The following WDR1 variants were observed in gnomAD, a reference collection of about 807,000 sequenced individuals.
WDR1 encodes the protein WD repeat-containing protein 1.
WDR1 carries 21 observed loss-of-function variants against 71.9 expected under a neutral mutation model. The observed-to-expected ratio is 0.29, with a 90% CI of 0.21 to 0.42. The LOEUF (loss-of-function observed/expected upper bound fraction) is 0.42, where lower values mean the gene tolerates loss of function less well. Among genes scored for constraint, WDR1 ranks in the 10% least tolerant of loss-of-function variants. WDR1 has a pLI of 1.00. For synonymous variants in WDR1, 424 were observed against 347.4 expected, an observed-to-expected ratio of 1.22 and a Z score of -2.45; for missense variants, 696 against 824.5, an observed-to-expected ratio of 0.84 and a Z score of 1.91.
intron 10 of WDR1, among the ~76,000 whole-genome samples, chr4:10,081,820 C>T (rs1430857855): frequency 6.6e-6 from 1 of 152,174 alleles, no homozygotes; most frequent in Non-Finnish European, 1.5e-5. Context: ...TTGAGCTCTG[C>T]TCCCCAAAAT....
At chr4:10,084,372 G>A in intron 9 of WDR1, 71 bp downstream of exon 9, 1 of 1,449,028 alleles carries the variant, frequency 6.9e-7, no homozygotes, top group Non-Finnish European at 9.5e-7. Flanking sequence ...CTGGCCTCTG[G>A]CATCATGGGA....
chr4:10,114,782 G>A (rs564784929), intron 2 of WDR1, among the ~76,000 whole-genome samples: 2 of 152,300 alleles, frequency 1.3e-5, no homozygotes, highest in East Asian at 3.9e-4. Flanking sequence ...TGTGTGACTA[G>A]CAAGTTGTTA....
chr4:10,075,559 G>A, intron 14 of WDR1, 75 bp from the exon 15 acceptor site: 7 of 1,365,136 alleles, frequency 5.1e-6, no homozygotes, highest in Non-Finnish European at 7.2e-6. Context: ...TAGGAAGATG[G>A]AACAACCTGT....
intron 10 of WDR1, among the ~76,000 whole-genome samples, chr4:10,082,305 C>T (rs1158836785): frequency 6.6e-6 from 1 of 152,116 alleles, no homozygotes; most frequent in African/African-American, 2.4e-5. Flanking sequence ...TCAACAGGCC[C>T]CAGGAGTCCC....
chr4:10,088,591 C>T, intron 6 of WDR1, 73 bp downstream of exon 6: 1 of 1,359,992 alleles, frequency 7.4e-7, no homozygotes, highest in Non-Finnish European at 1.0e-6. Context: ...CATTAGGCAG[C>T]CTGCGGCTCT....
intron 5 of WDR1, 81 bp from the exon 6 acceptor site, chr4:10,088,822 T>G: frequency 9.2e-7 from 1 of 1,086,756 alleles, no homozygotes; most frequent in Non-Finnish European, 1.4e-6. Context: ...GAAACACAGC[T>G]TGCAGCTCCA....
Position 10,097,891 on chromosome 4 carries a change from C to A in WDR1, c.378G>T (p.Lys126Asn). The change falls in exon 5 of 15, where the codon AAG (lysine) becomes AAT (asparagine). Residue 126 changes from lysine to asparagine, a missense_variant and splice_region_variant. By Grantham distance (94) the Lys-to-Asn change is moderately conservative. Coordinates refer to ENST00000499869, the MANE Select transcript of WDR1 (RefSeq NM_017491.5). ...RIAVVGEGRE[K>N]FGAVFLWDSG... Reference sequence around the variant, plus strand: ...TATCCCAGAGGAAGACTGCTCCAAACCTTGACCCAATGACACAGGTGGAAG... The same window carrying A: ...TATCCCAGAGGAAGACTGCTCCAAAACTTGACCCAATGACACAGGTGGAAG... 1 of 1,571,416 alleles carries A rather than the reference C, an allele frequency of 6.4e-7. No homozygotes were observed. The highest frequency in any genetic ancestry group is 1.2e-5 in the South Asian group (1 of 86,536).
chr4:10,102,487 C>T (rs2109685889), intron 3 of WDR1, among the ~76,000 whole-genome samples: 1 of 152,328 alleles, frequency 6.6e-6, no homozygotes, highest in African/African-American at 2.4e-5. Flanking sequence ...CCCTCTTCTT[C>T]TCTCACCTTC....
At chr4:10,108,041 C>G (rs1001967427) in intron 2 of WDR1, among the ~76,000 whole-genome samples, 10 of 152,314 alleles carry the variant, frequency 6.6e-5, no homozygotes, top group Admixed American at 3.9e-4. Context: ...TGTTGAATGG[C>G]AAACCTAAAC....
chr4:10,087,763 C>A lies in WDR1; in HGVS notation c.895G>T (p.Gly299Trp). The change falls in exon 8 of 15, where the codon GGG becomes TGG. Residue 299 changes from glycine (G) to tryptophan (W), a missense_variant. Gly to Trp is a radical substitution (Grantham distance 184). Coordinates refer to ENST00000499869, the MANE Select transcript of WDR1 (RefSeq NM_017491.5). ...TTTCTGTCCAGATAGTTGATGTACC[C>A]GGACAGGGAGACACTGAGCAGGTGG... ...KDHLLSVSLS[G>W]YINYLDRNNP... The A allele has an allele frequency of 6.2e-7, 1 of 1,602,616 alleles. No individual in the cohort carries two copies. The highest frequency in any genetic ancestry group is 2.3e-5 in the East Asian group (1 of 44,398).
chr4:10,093,270 C>G, intron 5 of WDR1: 2 of 600,386 alleles, frequency 3.3e-6, no homozygotes, highest in South Asian at 3.5e-5. Context: ...TTAGGCTGTT[C>G]ACATGCCTAT....
intron 2 of WDR1, among the ~76,000 whole-genome samples, chr4:10,109,330 TCA>T (rs1310966731): frequency 3.9e-5 from 6 of 152,224 alleles, no homozygotes; most frequent in African/African-American, 1.4e-4. Context: ...CTCAACACCT[TCA>T]CACAATCCCA....
At position 10,083,054 on chromosome 4, in the gene WDR1, C is replaced by T. The variant is rs375965539; in HGVS notation, c.1164G>A (p.Val388=). Residue 388 remains valine (V), a synonymous_variant, in exon 10 of 15, where the codon GTG becomes GTA. Transcript: ENST00000499869. The part of the protein sequence containing the change: ...QLISCSMDDT[V]RYTSLMLRDY... ...CCCGCAGCATGAGGCTGGTGTACCGCACGGTGTCGTCCATGCTGCAGCTGA... is the reference window on the plus strand; with the variant it reads ...CCCGCAGCATGAGGCTGGTGTACCGTACGGTGTCGTCCATGCTGCAGCTGA... The T allele has an allele frequency of 1.4e-4, 226 of 1,613,760 alleles. No individual in the cohort carries two copies. In the Middle Eastern group the frequency reaches 4.5e-3, roughly 32 times the overall value.
intron 5 of WDR1, chr4:10,091,929 C>A (rs1334034659): frequency 6.6e-6 from 1 of 152,410 alleles, no homozygotes; most frequent in Non-Finnish European, 1.5e-5. Flanking sequence ...TTCTAGACCC[C>A]CTGTTGGGCG....
At position 10,099,709 on chromosome 4, in the gene WDR1, C is replaced by A. The variant is rs970005223; in HGVS notation, c.230-570G>T. On this transcript the variant is annotated intron_variant, in intron 3 of 14. Transcript: ENST00000499869. ...GCGGCCTCCACCTGGGCCTGCAGAC[C>A]GGGCTTCCTGTGCAGCTTCCCAACA... 3.9e-5 allele frequency among the ~76,000 whole-genome samples: 6 copies of A among 152,380 alleles called. No homozygotes were observed. In the East Asian group the frequency reaches 5.8e-4, roughly 15 times the overall value.
intron 3 of WDR1, among the ~76,000 whole-genome samples, chr4:10,101,548 C>T (rs1712685264): frequency 6.6e-6 from 1 of 152,254 alleles, no homozygotes; most frequent in African/African-American, 2.4e-5. Flanking sequence ...CTGAGGATGG[C>T]CCCAAACTCC....
chr4:10,113,258 G>A (rs1380439955), intron 2 of WDR1, among the ~76,000 whole-genome samples: 1 of 152,220 alleles, frequency 6.6e-6, no homozygotes, highest in Non-Finnish European at 1.5e-5. Context: ...CTACTCGGGA[G>A]GCTGAGGCAG....
At chr4:10,098,662 C>A (rs979898723) in intron 4 of WDR1, among the ~76,000 whole-genome samples, 1 of 152,208 alleles carries the variant, frequency 6.6e-6, no homozygotes, top group Non-Finnish European at 1.5e-5. Flanking sequence ...CTGTGAGGGA[C>A]CCCGAATAGA....
At chr4:10,110,022 C>A (rs977623129) in intron 2 of WDR1, among the ~76,000 whole-genome samples, 51 of 151,806 alleles carry the variant, frequency 3.4e-4, no homozygotes, top group African/African-American at 1.2e-3. Context: ...AAGTTTCAGC[C>A]ACAGACCAGC....
Sources: gnomAD v4.1 joint callset for allele counts (sites outside exome capture counted in the v4.1 genomes callset) on GRCh38, gnomAD v4.1.1 for gene constraint, MANE v1.5 for transcripts, NCBI Gene and HGNC (gene_info 2026-07-23, HGNC 2026-07-21) for gene names.